The following COL4A3 variants were observed in gnomAD, a reference collection of about 807,000 sequenced individuals.
COL4A3 encodes collagen type IV alpha 3 chain, also known as collagen alpha-3(IV) chain.
A neutral mutation model predicts 217.4 loss-of-function variants in COL4A3; 135 were observed. The observed-to-expected ratio is 0.62, with a 90% CI of 0.54 to 0.72. The LOEUF is 0.72. Among genes scored for constraint, COL4A3 ranks in the 30% least tolerant of loss-of-function variants. The pLI is 0.00. For missense variants in COL4A3, 1,868 were observed against 2,119.9 expected (o/e 0.88, Z 2.33); for synonymous variants, 690 against 736.3 (o/e 0.94, Z 1.02).
At chr2:227,256,643 G>C in intron 17 of COL4A3, 1 of 677,928 alleles carries the variant, frequency 1.5e-6, no homozygotes, top group Non-Finnish European at 2.7e-6. Flanking sequence ...ACCAGTGAGA[G>C]TGCAGCTTCC....
At chr2:227,242,348 G>T (rs560743393) in intron 3 of COL4A3, among the ~76,000 whole-genome samples, 2 of 152,310 alleles carry the variant, frequency 1.3e-5, no homozygotes, top group Admixed American at 1.3e-4. Context: ...CCCAAGTGCA[G>T]GAGCTTCTGT....
intron 1 of COL4A3, among the ~76,000 whole-genome samples, chr2:227,195,667 A>ATATATATGTGTGTGTG (rs1226857286): frequency 7.1e-6 from 1 of 139,892 alleles, no homozygotes; most frequent in African/African-American, 2.7e-5. Flanking sequence ...ATATATATAT[A>ATATATATGTGTGTGTG]TGTGTGTGTG....
At chr2:227,279,069 C>T (rs1056648555) in intron 28 of COL4A3, among the ~76,000 whole-genome samples, 1 of 140,370 alleles carries the variant, frequency 7.1e-6, no homozygotes, top group Non-Finnish European at 1.5e-5. Context: ...GTGCTGAAAA[C>T]GTTCTATATC....
intron 21 of COL4A3, 45 bp from the exon 22 acceptor site, chr2:227,266,370 GAA>G: frequency 7.0e-7 from 1 of 1,420,524 alleles, no homozygotes; most frequent in Non-Finnish European, 9.9e-7. Context: ...CTTGCTAATT[GAA>G]AAAAACACAA....
At chr2:227,298,912 A>C (rs978978083) in intron 43 of COL4A3, 100 bp downstream of exon 43, 17 of 1,140,638 alleles carry the variant, frequency 1.5e-5, no homozygotes, top group Non-Finnish European at 2.1e-5. Flanking sequence ...TGTTAACTGT[A>C]TTAGTCCATT....
chr2:227,272,973 C>A lies in COL4A3; in HGVS notation c.1783C>A (p.Gln595Lys), dbSNP rs2071331039. 4 of 1,614,008 alleles carry A rather than the reference C, an allele frequency of 2.5e-6. No individual in the cohort carries two copies. The highest frequency in any genetic ancestry group is 1.3e-5 in the African/African-American group (1 of 74,904). ...GGCTCTGAGTGGTGAGAAAGGGGAC[C>A]AAGGTCCTCCAGGGGATCCTGGCTC... The part of the protein sequence containing the change: ...ELALSGEKGD[Q>K]GPPGDPGSPG... The change falls in exon 26 of 52, where the codon CAA becomes AAA. Residue 595 changes from glutamine to lysine, a missense_variant. By Grantham distance (53) the Gln-to-Lys change is moderately conservative. This residue lies in a region of COL4A3 where 1,503 missense variants were observed against 1,786.1 expected (regional missense o/e 0.84). Coordinates refer to ENST00000396578, the MANE Select transcript of COL4A3 (RefSeq NM_000091.5).
At chr2:227,188,458 G>A (rs760864192) in intron 1 of COL4A3, among the ~76,000 whole-genome samples, 5 of 151,812 alleles carry the variant, frequency 3.3e-5, no homozygotes, top group Non-Finnish European at 7.4e-5. Context: ...CCAGGCCACC[G>A]AGAGGGATAT....
intron 44 of COL4A3, 88 bp downstream of exon 44, chr2:227,303,198 ACAGCT>A: frequency 8.8e-7 from 1 of 1,136,938 alleles, no homozygotes; most frequent in Non-Finnish European, 1.3e-6. Flanking sequence ...TGAAGTACAG[ACAGCT>A]GGGGTTAGTA....
intron 34 of COL4A3, among the ~76,000 whole-genome samples, chr2:227,285,520 G>GA (rs150656565): frequency 3.3e-4 from 48 of 147,664 alleles, no homozygotes; most frequent in Admixed American, 8.1e-4. Flanking sequence ...GCCAAGATAT[G>GA]AAAAAAAAAA....
intron 39 of COL4A3, 33 bp from the exon 40 acceptor site, chr2:227,294,931 T>G: frequency 4.2e-6 from 6 of 1,435,834 alleles, no homozygotes; most frequent in Non-Finnish European, 5.7e-6. Context: ...ATACCATAGT[T>G]TGGGGTTTTT....
intron 44 of COL4A3, among the ~76,000 whole-genome samples, chr2:227,303,421 A>C (rs1024187909): frequency 6.6e-6 from 1 of 152,232 alleles, no homozygotes; most frequent in African/African-American, 2.4e-5. Flanking sequence ...TCCTAACGTA[A>C]CTAACTCTAG....
chr2:227,236,860 C>A (rs184495576), intron 1 of COL4A3, among the ~76,000 whole-genome samples: 2,818 of 152,214 alleles, frequency 0.019, 34 homozygotes, highest in Middle Eastern at 0.048. Context: ...GGGGTTTCAT[C>A]AGGTTGGCCA....
intron 25 of COL4A3, among the ~76,000 whole-genome samples, chr2:227,271,673 T>C (rs1440118387): frequency 1.3e-5 from 2 of 152,130 alleles, no homozygotes; most frequent in Non-Finnish European, 2.9e-5. Context: ...GGTTTCACCA[T>C]GTTGGCCAGG....
intron 44 of COL4A3, among the ~76,000 whole-genome samples, 193 bp from the exon 45 acceptor site, chr2:227,303,666 T>G (rs2073385058): frequency 6.6e-6 from 1 of 152,254 alleles, no homozygotes; most frequent in African/African-American, 2.4e-5. Flanking sequence ...TCATTAAGCA[T>G]GACCTACTGG....
At chr2:227,309,101 A>G in intron 49 of COL4A3, 25 bp downstream of exon 49, 2 of 1,613,884 alleles carry the variant, frequency 1.2e-6, no homozygotes, top group Non-Finnish European at 1.7e-6. Context: ...CCCTAGTTTT[A>G]CAATGGGACC....
chr2:227,188,282 T>TA (rs1341064699), intron 1 of COL4A3, among the ~76,000 whole-genome samples: 1 of 152,084 alleles, frequency 6.6e-6, no homozygotes, highest in African/African-American at 2.4e-5. Flanking sequence ...TATCTGGAGT[T>TA]AGAAAGTGGT....
chr2:227,300,223 A>G (rs1455429777), intron 43 of COL4A3, among the ~76,000 whole-genome samples: 2 of 152,226 alleles, frequency 1.3e-5, no homozygotes, highest in Non-Finnish European at 2.9e-5. Flanking sequence ...GAACATCACC[A>G]TTTTAGGAAT....
At chr2:227,285,277 T>TAAAAAA (rs764697409) in intron 34 of COL4A3, among the ~76,000 whole-genome samples, 5,889 of 72,270 alleles carry the variant, frequency 0.081, 691 homozygotes, top group Non-Finnish European at 0.1. Context: ...CTGCCAAACC[T>TAAAAAA]AAAAAAAAAA....
chr2:227,238,281 T>C (rs987588499), intron 2 of COL4A3: 1 of 323,006 alleles, frequency 3.1e-6, no homozygotes, highest in African/African-American at 2.2e-5. Context: ...AAGTAGCAAA[T>C]GAGAAAAAGA....
Sources: allele counts gnomAD v4.1 joint callset (sites outside exome capture counted in the v4.1 genomes callset), GRCh38; gene constraint gnomAD v4.1.1; regional missense constraint gnomAD v4.1.1; transcripts MANE v1.5; gene names NCBI Gene and HGNC (gene_info 2026-07-23, HGNC 2026-07-21).